DAP: variants seen among roughly 807,000 people sequenced by gnomAD.
DAP encodes the protein death associated protein.
A neutral mutation model predicts 13.8 loss-of-function variants in DAP; 8 were observed. That is an observed-to-expected ratio of 0.58 (90% CI 0.34 to 1.05). DAP has a LOEUF of 1.05. Among genes scored for constraint, DAP ranks in the 50% least tolerant of loss-of-function variants. The pLI is 0.03. For synonymous variants in DAP, 47 were observed against 47.5 expected (o/e 0.99, Z 0.04); for missense variants, 106 against 133.2 (o/e 0.80, Z 1.01).
chr5:10,722,114 T>C (rs2126659498), intron 2 of DAP, among the ~76,000 whole-genome samples: 1 of 152,298 alleles, frequency 6.6e-6, no homozygotes, highest in Non-Finnish European at 1.5e-5. Flanking sequence ...CTTGTGGTGG[T>C]TAATAATGAG....
rs377031821 is a variant in DAP at position 10,681,027 on chromosome 5, G to T, written c.*29C>A. On this transcript the variant is annotated 3_prime_UTR_variant, in exon 4 of 4. Transcript: ENST00000230895. ...AAATACCAAGTGCAGCAGAGCCGGG[G>T]CCATGGGGCAGGCTGGTGGACTCCA... 3.2e-6 allele frequency: 5 copies of T among 1,569,988 alleles called. No homozygotes were observed. Among genetic ancestry groups the T allele is most frequent in the Non-Finnish European group, 4.3e-6 (5 of 1,156,562 alleles).
At position 10,680,980 on chromosome 5, in the gene DAP, C is replaced by A; in HGVS notation, c.*76G>T. 2 of 1,547,804 alleles carry A rather than the reference C, an allele frequency of 1.3e-6. No individual in the cohort carries two copies. The highest frequency in any genetic ancestry group is 1.7e-4 in the Middle Eastern group (1 of 5,990). ...CCAGCAGAGTAGGATTTGGGCGAAA[C>A]TGCTGGTTCTCTCTGTCAGGGAAAT... On this transcript the variant is annotated 3_prime_UTR_variant, in exon 4 of 4. Transcript: ENST00000230895.
rs562396894 is a variant in DAP at position 10,705,611 on chromosome 5, G to C, written c.153-22040C>G. Among the ~76,000 whole-genome samples the C allele has an allele frequency of 1.3e-5, 2 of 152,354 alleles. 1 individual carries two copies. The highest frequency in any genetic ancestry group is 4.1e-4 in the South Asian group (2 of 4,834). ...GGTGTGTACTATCTGGGCGAAACCT[G>C]TCAGACAACGGGCATTTTTCATAGA... On this transcript the variant is annotated intron_variant, in intron 2 of 3. Transcript: ENST00000230895.
chr5:10,753,510 T>A (rs994605132), intron 1 of DAP, among the ~76,000 whole-genome samples: 16 of 152,148 alleles, frequency 1.1e-4, no homozygotes, highest in African/African-American at 3.9e-4. Context: ...TTACCTACGG[T>A]CACATCTGGG....
intron 2 of DAP, among the ~76,000 whole-genome samples, chr5:10,722,518 A>G (rs1282437160): frequency 7.8e-5 from 8 of 102,368 alleles, no homozygotes; most frequent in Non-Finnish European, 1.9e-5. Context: ...ATGCATACAT[A>G]TACATATACA....
At chr5:10,691,665 G>C (rs549321430) in intron 2 of DAP, among the ~76,000 whole-genome samples, 16 of 152,318 alleles carry the variant, frequency 1.1e-4, no homozygotes, top group African/African-American at 3.4e-4. Context: ...GAAACAGAGA[G>C]TGAAAACTAT....
At chr5:10,757,991 T>C (rs1035656215) in intron 1 of DAP, among the ~76,000 whole-genome samples, 43 of 152,122 alleles carry the variant, frequency 2.8e-4, no homozygotes, top group African/African-American at 1.0e-3. Context: ...ACAGGAGATA[T>C]GGGCCAGACA....
At chr5:10,699,720 C>A (rs188459800) in intron 2 of DAP, among the ~76,000 whole-genome samples, 15 of 151,858 alleles carry the variant, frequency 9.9e-5, no homozygotes, top group African/African-American at 3.4e-4. Flanking sequence ...GGTGAATGAG[C>A]CTTTCCAGAG....
intron 2 of DAP, among the ~76,000 whole-genome samples, chr5:10,708,020 G>A (rs1272902870): frequency 6.6e-6 from 1 of 152,106 alleles, no homozygotes; most frequent in Non-Finnish European, 1.5e-5. Context: ...GAATTTCACG[G>A]GCAATACAAA....
intron 2 of DAP, among the ~76,000 whole-genome samples, chr5:10,702,291 C>T (rs1738598481): frequency 6.6e-6 from 1 of 152,196 alleles, no homozygotes; most frequent in Non-Finnish European, 1.5e-5. Flanking sequence ...AGTGAATGAA[C>T]CAGGGTGCTT....
At chr5:10,683,745 C>T (rs948475582) in intron 2 of DAP, among the ~76,000 whole-genome samples, 174 bp from the exon 3 acceptor site, 1 of 152,192 alleles carries the variant, frequency 6.6e-6, no homozygotes, top group Non-Finnish European at 1.5e-5. Context: ...GCTCGGGAGC[C>T]TCCTTCTCCT....
intron 2 of DAP, among the ~76,000 whole-genome samples, chr5:10,713,504 C>G (rs1255302197): frequency 6.6e-6 from 1 of 152,228 alleles, no homozygotes; most frequent in Admixed American, 6.5e-5. Context: ...TTATCTTGCT[C>G]AAGGCTGGCA....
At chr5:10,712,539 G>A (rs893636974) in intron 2 of DAP, among the ~76,000 whole-genome samples, 3 of 152,152 alleles carry the variant, frequency 2.0e-5, no homozygotes, top group Admixed American at 6.5e-5. Flanking sequence ...GGTGTATTCT[G>A]CCGAGTAGAT....
At chr5:10,731,701 A>G (rs1362500392) in intron 2 of DAP, among the ~76,000 whole-genome samples, 1 of 152,210 alleles carries the variant, frequency 6.6e-6, no homozygotes, top group African/African-American at 2.4e-5. Context: ...ACTTAGGGAT[A>G]GGCAGGTCAC....
At chr5:10,730,503 G>A (rs746442032) in intron 2 of DAP, among the ~76,000 whole-genome samples, 10 of 151,282 alleles carry the variant, frequency 6.6e-5, no homozygotes, top group Non-Finnish European at 1.0e-4. Context: ...TCTGTACTGA[G>A]AGACCGGGTC....
At chr5:10,682,567 G>T (rs1399628151) in intron 3 of DAP, among the ~76,000 whole-genome samples, 1 of 152,168 alleles carries the variant, frequency 6.6e-6, no homozygotes, top group Admixed American at 6.5e-5. Flanking sequence ...CATGGCAGTT[G>T]TATGTGAGGA....
intron 1 of DAP, among the ~76,000 whole-genome samples, chr5:10,749,342 G>C (rs535654678): frequency 6.6e-6 from 1 of 152,138 alleles, no homozygotes; most frequent in Non-Finnish European, 1.5e-5. Context: ...GGAACTGCCA[G>C]GCCACATGGT....
chr5:10,696,344 G>C (rs546012785), intron 2 of DAP, among the ~76,000 whole-genome samples: 6 of 152,176 alleles, frequency 3.9e-5, no homozygotes, highest in Admixed American at 2.6e-4. Context: ...GGTGTGGCGG[G>C]GGGGAGGCTT....
At chr5:10,747,405 G>A (rs1489380621) in intron 2 of DAP, among the ~76,000 whole-genome samples, 1 of 152,220 alleles carries the variant, frequency 6.6e-6, no homozygotes, top group Non-Finnish European at 1.5e-5. Flanking sequence ...CCCCAGGAGG[G>A]TTGGCAGCAG....
Sources: gnomAD v4.1 joint callset for allele counts (sites outside exome capture counted in the v4.1 genomes callset) on GRCh38, gnomAD v4.1.1 for gene constraint, MANE v1.5 for transcripts, NCBI Gene and HGNC (gene_info 2026-07-23, HGNC 2026-07-21) for gene names.